FAM83G: variants seen among roughly 807,000 people sequenced by gnomAD.
The protein encoded by FAM83G is scaffolding CK1 anchoring protein G.
Under a neutral mutation model 61.5 loss-of-function variants are expected in FAM83G, and 38 were observed. That is an observed-to-expected ratio of 0.62 (90% confidence interval 0.48 to 0.81). FAM83G has a LOEUF of 0.81. Ranked by LOEUF, FAM83G falls within the 30% of genes least tolerant of loss-of-function variation. FAM83G has a pLI of 0.00. For missense variants in FAM83G, 989 were observed against 1,133.6 expected (o/e 0.87, Z 1.83); for synonymous variants, 470 against 476.1 (o/e 0.99, Z 0.17).
At chr17:19,005,393 T>TTG (rs2043856972), upstream of FAM83G, among the ~76,000 whole-genome samples, 3 of 151,904 alleles carry the variant, frequency 2.0e-5, no homozygotes, top group African/African-American at 7.3e-5. Flanking sequence ...TCCCCTGGGG[T>TTG]TGGGACCCTG....
intron 4 of FAM83G, chr17:18,979,189 C>T (rs751107470): frequency 9.3e-5 from 44 of 473,850 alleles, no homozygotes; most frequent in Admixed American, 2.5e-4. Context: ...CTGCCACCAA[C>T]CCCCATGTAA....
intron 3 of FAM83G, among the ~76,000 whole-genome samples, chr17:18,987,064 C>T (rs763047554): frequency 1.3e-5 from 2 of 152,180 alleles, no homozygotes; most frequent in East Asian, 1.9e-4. Flanking sequence ...CAACCGGAGG[C>T]GTTGGGGTTG....
In FAM83G at chr17:18,979,733, G is replaced by A. The variant is rs998825184; in HGVS notation, c.691-60C>T. The stretch of plus-strand genomic sequence containing the variant: ...TGCAACCCTGACCACACAGGGCGAG[G>A]GGAGGACGGCAGCTGCCCAGGGCTC... On this transcript the variant is annotated intron_variant, in intron 3 of 5. Transcript: ENST00000388995. 15 of 1,597,384 alleles carry A rather than the reference G, an allele frequency of 9.4e-6. No individual in the cohort carries two copies. The East Asian group carries it at 3.1e-4, about 33-fold the overall frequency.
chr17:18,999,147 G>T (rs567159610), intron 2 of FAM83G, among the ~76,000 whole-genome samples: 2 of 152,122 alleles, frequency 1.3e-5, no homozygotes, highest in Non-Finnish European at 2.9e-5. Context: ...GCGTGGTGGC[G>T]CACACCTGTA....
Position 18,969,536 on chromosome 17 carries a change from C to G in FAM83G, c.*1823G>C, listed in dbSNP as rs12938841. ...GCCGTTGGGGTTCTGGGTAGCATCG[C>G]TGGGAGTGGGTGGGTTCAGGAGGTT... On this transcript the variant is annotated 3_prime_UTR_variant, in exon 6 of 6. Coordinates refer to ENST00000388995, the MANE Select transcript of FAM83G (RefSeq NM_001039999.3). The G allele has an allele frequency of 9.8e-7, 1 of 1,019,462 alleles. No individual in the cohort carries two copies. The highest frequency in any genetic ancestry group is 1.4e-6 in the Non-Finnish European group (1 of 689,764). The allele number at this position is 1,019,462 out of a possible 1,614,324, so 63.2% of individuals were successfully genotyped here.
chr17:18,981,129 G>C (rs1192321058), intron 3 of FAM83G, among the ~76,000 whole-genome samples: 1 of 152,216 alleles, frequency 6.6e-6, no homozygotes, highest in Non-Finnish European at 1.5e-5. Context: ...GGAGGTGAAG[G>C]GGAGGCTGAG....
Position 18,979,571 on chromosome 17 carries a change from G to T in FAM83G, c.793C>A (p.Arg265=). ...CACCTGTAGGAGCCGCACACAGCCCGGTCTCCATCCACAAACATGAACTTC... is the reference window on the plus strand; with the variant it reads ...CACCTGTAGGAGCCGCACACAGCCCTGTCTCCATCCACAAACATGAACTTC... The part of the protein sequence containing the change: ...AQKFMFVDGD[R]AVCGSYSFTW... Residue 265 remains arginine, a synonymous_variant, in exon 4 of 6, where the codon CGG becomes AGG. Coordinates refer to ENST00000388995, the MANE Select transcript of FAM83G (RefSeq NM_001039999.3). The T allele has an allele frequency of 3.7e-6, 6 of 1,613,420 alleles. No individual in the cohort carries two copies. Among genetic ancestry groups the T allele is most frequent in the Non-Finnish European group, 5.1e-6 (6 of 1,179,982 alleles).
intron 3 of FAM83G, 112 bp from the exon 4 acceptor site, chr17:18,979,785 G>A (rs2043083001): frequency 3.2e-6 from 4 of 1,259,802 alleles, no homozygotes; most frequent in Non-Finnish European, 4.5e-6. Flanking sequence ...TAGTCAGGAG[G>A]GGAAGAAAGA....
At position 19,004,303 on chromosome 17, in the gene FAM83G, G is replaced by A. The variant is rs1341337172; in HGVS notation, c.-128-134C>T. 4.3e-6 allele frequency: 2 copies of A among 467,488 alleles called. No individual in the cohort carries two copies. The highest frequency in any genetic ancestry group is 7.6e-6 in the Non-Finnish European group (2 of 264,288). The allele number at this position is 467,488 out of a possible 1,614,324, so 29.0% of individuals were successfully genotyped here. On this transcript the variant is annotated intron_variant, in intron 1 of 5. Transcript: ENST00000388995. This position sits in a 1 kb window ranked among gnomAD's most constrained non-coding sequence, Gnocchi z 5.4. ...GGGGCTGGGGCTGGGAAGATGAGGT[G>A]GGGGCACTGGACTGGGATGGGAAGA...
At position 18,977,851 on chromosome 17, in the gene FAM83G, G is replaced by T. The variant is rs896136965; in HGVS notation, c.1815C>A (p.Gly605=). ...AGGAAGCCACTGAGGGCCGTCGGGG[G>T]CCAGGGCCACGGCCGGAGCTGCCTG... ...SHSGSSGRGP[G]PRRPSVASSV... The change falls in exon 5 of 6, where the codon GGC becomes GGA. Residue 605 remains glycine (G), a synonymous_variant. Coordinates refer to ENST00000388995, the MANE Select transcript of FAM83G (RefSeq NM_001039999.3). 1.9e-6 allele frequency: 3 copies of T among 1,611,026 alleles called. No individual in the cohort carries two copies. The highest frequency in any genetic ancestry group is 8.5e-7 in the Non-Finnish European group (1 of 1,179,570).
rs570509089 is a variant in FAM83G at position 18,969,286 on chromosome 17, G to A, written c.*2073C>T. Reference sequence around the variant, plus strand: ...GCAGGAGCCCCAGAAGTTCCTCCCCGTGTCCCTCCTCCCTGGGGCCAGGGC... The same window carrying A: ...GCAGGAGCCCCAGAAGTTCCTCCCCATGTCCCTCCTCCCTGGGGCCAGGGC... On this transcript the variant is annotated 3_prime_UTR_variant, in exon 6 of 6. Coordinates refer to ENST00000388995, the MANE Select transcript of FAM83G (RefSeq NM_001039999.3). 325 of 1,591,696 alleles carry A rather than the reference G, an allele frequency of 2.0e-4. 3 individuals are homozygous for A. The Middle Eastern group carries it at 2.8e-3, about 14-fold the overall frequency.
chr17:18,983,707 G>T (rs2043194503), intron 3 of FAM83G, among the ~76,000 whole-genome samples: 1 of 152,240 alleles, frequency 6.6e-6, no homozygotes, highest in Non-Finnish European at 1.5e-5. Flanking sequence ...TCTGTGGAGG[G>T]TGGAGAGGGG....
At chr17:18,991,148 T>C (rs1355641040) in intron 2 of FAM83G, among the ~76,000 whole-genome samples, 1 of 152,210 alleles carries the variant, frequency 6.6e-6, no homozygotes, top group African/African-American at 2.4e-5. Flanking sequence ...CCTAATTCTG[T>C]TGGGAGGCCC....
At position 18,978,428 on chromosome 17, in the gene FAM83G, G is replaced by A. The variant is rs375654515; in HGVS notation, c.1238C>T (p.Thr413Met). Residue 413 changes from threonine to methionine, a missense_variant, in exon 5 of 6, where the codon ACG becomes ATG. Transcript: ENST00000388995. ...AGGCTCCGGGTCTGGCTCCACCCAC[G>A]TGGGCAGGTACTCAAACATGTTGGC... ...ERANMFEYLP[T>M]WVEPDPEPGS... The A allele has an allele frequency of 1.3e-6, 2 of 1,597,094 alleles. No individual in the cohort carries two copies. Among genetic ancestry groups the A allele is most frequent in the Non-Finnish European group, 1.7e-6 (2 of 1,171,780 alleles).
At chr17:18,994,238 C>A (rs1009798033) in intron 2 of FAM83G, among the ~76,000 whole-genome samples, 5 of 152,208 alleles carry the variant, frequency 3.3e-5, no homozygotes, top group Non-Finnish European at 5.9e-5. Flanking sequence ...AAGCCATGGA[C>A]AACAGGCTTC....
At chr17:18,988,196 CTGAA>C (rs1441574731) in intron 3 of FAM83G, 47 bp downstream of exon 3, 1 of 1,587,478 alleles carries the variant, frequency 6.3e-7, no homozygotes. Context: ...TGTTGACAGA[CTGAA>C]TGACCCCTGC....
At chr17:18,976,858 T>C in intron 5 of FAM83G, 1 of 1,613,342 alleles carries the variant, frequency 6.2e-7, no homozygotes, top group Non-Finnish European at 8.5e-7. Context: ...CCCCAGGTCA[T>C]CGTGCAGCGA....
At chr17:18,999,007 C>T (rs7219617) in intron 2 of FAM83G, among the ~76,000 whole-genome samples, 2,955 of 152,318 alleles carry the variant, frequency 0.019, 76 homozygotes, top group African/African-American at 0.061. Context: ...CTGCCAGGCA[C>T]GGTGGCTCAT....
In FAM83G at chr17:18,978,358, G is replaced by C. The variant is rs367881814; in HGVS notation, c.1308C>G (p.Ile436Met). The C allele has an allele frequency of 1.9e-6, 3 of 1,598,780 alleles. No homozygotes were observed. Among genetic ancestry groups the C allele is most frequent in the African/African-American group, 2.7e-5 (2 of 74,802 alleles). The change falls in exon 5 of 6, where the codon ATC (isoleucine) becomes ATG (methionine). Residue 436 changes from isoleucine (I) to methionine (M), a missense_variant. Coordinates refer to ENST00000388995, the MANE Select transcript of FAM83G (RefSeq NM_001039999.3). Reference protein sequence around the residue: ...LGYINIIDPNIWNPQPSQMNR... With the variant: ...LGYINIIDPNMWNPQPSQMNR... ...TCATCTGGCTGGGCTGGGGGTTCCA[G>C]ATGTTGGGGTCGATGATATTGATGT...
Sources: allele counts gnomAD v4.1 joint callset (sites outside exome capture counted in the v4.1 genomes callset), GRCh38; gene constraint gnomAD v4.1.1; non-coding constraint Gnocchi (gnomAD v3.1); transcripts MANE v1.5; gene names NCBI Gene and HGNC (gene_info 2026-07-23, HGNC 2026-07-21).